PDE4D: variants seen among roughly 807,000 people sequenced by gnomAD.
PDE4D encodes 3',5'-cyclic-AMP phosphodiesterase 4D.
Under a neutral mutation model 87.4 loss-of-function variants are expected in PDE4D, and 24 were observed. The observed-to-expected ratio is 0.27, with a 90% confidence interval of 0.20 to 0.39. The LOEUF is 0.39. PDE4D is among the 10% of genes least tolerant of loss of function. PDE4D has a pLI of 1.00. For missense variants in PDE4D, 714 were observed against 1,041.0 expected (o/e 0.69, Z 4.32); for synonymous variants, 384 against 383.2 (o/e 1.00, Z -0.02).
intron 1 of PDE4D, among the ~76,000 whole-genome samples, chr5:60,211,119 A>C (rs546487246): frequency 6.6e-6 from 1 of 152,306 alleles, no homozygotes; most frequent in African/African-American, 2.4e-5. Flanking sequence ...GAAATGACAG[A>C]GGTGTCCTCC....
At chr5:59,536,504 CAAAAAAAAAAAAAAAAAAA>C (rs10586960) in intron 1 of PDE4D, among the ~76,000 whole-genome samples, 5 of 56,384 alleles carry the variant, frequency 8.9e-5, no homozygotes, top group Non-Finnish European at 1.1e-4. Context: ...GACTCAGCCT[CAAAAAAAAAAAAAAAAAAA>C]AAAAAAAAAA....
chr5:59,604,941 C>T (rs1827991402), intron 1 of PDE4D, among the ~76,000 whole-genome samples: 1 of 152,010 alleles, frequency 6.6e-6, no homozygotes, highest in African/African-American at 2.4e-5. Flanking sequence ...CTCAAGTGCA[C>T]ACAAACATAC....
At chr5:59,261,220 T>C (rs1371944298) in intron 1 of PDE4D, among the ~76,000 whole-genome samples, 2 of 151,874 alleles carry the variant, frequency 1.3e-5, no homozygotes, top group Non-Finnish European at 2.9e-5. Flanking sequence ...AGGACATAAA[T>C]GCCATTTCCT....
At chr5:59,527,457 T>C (rs1364364512) in intron 1 of PDE4D, among the ~76,000 whole-genome samples, 1 of 152,220 alleles carries the variant, frequency 6.6e-6, no homozygotes, top group East Asian at 1.9e-4. Flanking sequence ...ACTCCTAATA[T>C]TTGAGAGAGA....
chr5:59,171,735 T>C (rs1327571857), intron 5 of PDE4D, among the ~76,000 whole-genome samples: 2 of 147,288 alleles, frequency 1.4e-5, no homozygotes, highest in African/African-American at 5.0e-5. Flanking sequence ...TCAGGGAGCA[T>C]TTCCTAGGTA....
At chr5:60,460,277 A>T in intron 1 of PDE4D, 1 of 1,054,298 alleles carries the variant, frequency 9.5e-7, no homozygotes, top group East Asian at 2.4e-5. Context: ...TTCAGATGAA[A>T]TTCTTTGGAT....
intron 5 of PDE4D, chr5:59,156,936 T>C (rs1333971139): frequency 2.4e-5 from 4 of 169,532 alleles, no homozygotes; most frequent in Non-Finnish European, 5.0e-5. Flanking sequence ...AAAGCTTTGA[T>C]CTTTGCAGGA....
At chr5:59,217,146 C>T (rs1751437159) in intron 1 of PDE4D, 1 of 451,668 alleles carries the variant, frequency 2.2e-6, no homozygotes, top group Admixed American at 2.4e-5. Context: ...CCACAAAGAA[C>T]CTTTCTAGTG....
intron 2 of PDE4D, among the ~76,000 whole-genome samples, chr5:60,178,339 C>T (rs1784106116): frequency 6.6e-6 from 1 of 152,080 alleles, no homozygotes; most frequent in Admixed American, 6.6e-5. Flanking sequence ...CAATACTACC[C>T]ACTCAAGGAT....
intron 1 of PDE4D, chr5:60,487,567 G>C (rs1749252383): frequency 1.3e-5 from 2 of 152,288 alleles, no homozygotes; most frequent in Admixed American, 1.3e-4. Flanking sequence ...GTTTTGGACT[G>C]AGATGCTTGG....
intron 1 of PDE4D, among the ~76,000 whole-genome samples, chr5:60,316,838 A>C (rs1304839564): frequency 2.6e-5 from 4 of 152,174 alleles, no homozygotes; most frequent in South Asian, 2.1e-4. Flanking sequence ...GGGATGAAGC[A>C]GACTTGATCA....
At chr5:60,006,994 T>G (rs1764559341) in intron 2 of PDE4D, among the ~76,000 whole-genome samples, 1 of 151,992 alleles carries the variant, frequency 6.6e-6, no homozygotes, top group African/African-American at 2.4e-5. Context: ...AGACTTTTTA[T>G]TTTCCCTTCA....
chr5:59,427,442 G>A (rs1277456766), intron 1 of PDE4D, among the ~76,000 whole-genome samples: 1 of 151,748 alleles, frequency 6.6e-6, no homozygotes, highest in Non-Finnish European at 1.5e-5. Flanking sequence ...CACTGGGGAA[G>A]TAACAACAAC....
At chr5:59,231,173 T>C (rs1755102836) in intron 1 of PDE4D, among the ~76,000 whole-genome samples, 1 of 152,118 alleles carries the variant, frequency 6.6e-6, no homozygotes, top group Non-Finnish European at 1.5e-5. Context: ...TTTTATAGAG[T>C]GAAGAAACAT....
Position 60,195,134 on chromosome 5 carries a change from C to T in PDE4D, c.-89-9447G>A, listed in dbSNP as rs16877744. ...TGTTTGGGAATGTCTTGCTTCAAGA[C>T]TCAACTCAGGTGTCATCTCCTCCTG... On this transcript the variant is annotated intron_variant, in intron 1 of 16. Transcript: ENST00000502484. Among the ~76,000 whole-genome samples, 918 of 151,732 alleles carry T rather than the reference C, an allele frequency of 6.1e-3. 10 individuals carry two copies. The highest frequency in any genetic ancestry group is 0.021 in the African/African-American group (878 of 41,500).
intron 5 of PDE4D, among the ~76,000 whole-genome samples, chr5:59,115,242 T>C (rs1773398469): frequency 1.3e-5 from 2 of 152,142 alleles, no homozygotes; most frequent in Admixed American, 1.3e-4. Context: ...TTTGGGGTCA[T>C]CAGTTTGAAC....
intron 2 of PDE4D, among the ~76,000 whole-genome samples, chr5:60,175,772 T>C (rs187259542): frequency 2.6e-5 from 4 of 152,220 alleles, no homozygotes; most frequent in Admixed American, 2.6e-4. Flanking sequence ...TAAGACTCAG[T>C]CTTAGGTAGG....
intron 1 of PDE4D, among the ~76,000 whole-genome samples, chr5:59,593,231 A>T (rs295946): frequency 0.76 from 115,563 of 151,390 alleles, 44,404 homozygotes; most frequent in South Asian, 0.87. Flanking sequence ...AGGAGCAAAA[A>T]TATTTCTCAT....
At chr5:59,169,325 T>A (rs940208004) in intron 5 of PDE4D, among the ~76,000 whole-genome samples, 74 of 152,196 alleles carry the variant, frequency 4.9e-4, no homozygotes, top group African/African-American at 1.5e-3. Context: ...CTTTTATTTT[T>A]TTTTTTTCTT....
Sources: allele counts gnomAD v4.1 joint callset (sites outside exome capture counted in the v4.1 genomes callset), GRCh38; gene constraint gnomAD v4.1.1; transcripts MANE v1.5; gene names NCBI Gene and HGNC (gene_info 2026-07-23, HGNC 2026-07-21).